Variants in STX11 observed in about 807,000 individuals in gnomAD.
STX11 encodes syntaxin-11.
A neutral mutation model predicts 19.9 loss-of-function variants in STX11; 21 were observed. The observed-to-expected ratio is 1.06, with a 90% confidence interval of 0.75 to 1.52. The LOEUF is 1.52. Ranked by LOEUF, STX11 falls within the 40% of genes most tolerant of loss-of-function variation. STX11 has a pLI of 0.00. For missense variants in STX11, 438 were observed against 405.9 expected (o/e 1.08, Z -0.68); for synonymous variants, 193 against 174.4 (o/e 1.11, Z -0.84).
In STX11 at chr6:144,186,652, C is replaced by G. The variant is rs1410074175; in HGVS notation, c.25C>G (p.Leu9Val). 1.2e-6 allele frequency: 2 copies of G among 1,614,058 alleles called. No homozygotes were observed. Among genetic ancestry groups the G allele is most frequent in the Non-Finnish European group, 8.5e-7 (1 of 1,179,964 alleles). Residue 9 changes from leucine to valine, a missense_variant, in exon 2 of 2, where the codon CTG becomes GTG. Physicochemically the swap from Leu to Val is conservative, Grantham distance 32. Transcript: ENST00000367568. ...AATGAAAGACCGGCTAGCAGAACTTCTGGACTTGTCCAAGCAATATGACCA... is the reference window on the plus strand; with the variant it reads ...AATGAAAGACCGGCTAGCAGAACTTGTGGACTTGTCCAAGCAATATGACCA... Reference protein sequence around the residue: MKDRLAELLDLSKQYDQQF... With the variant: MKDRLAELVDLSKQYDQQF...
rs933201565 is a variant in STX11, at chr6:144,174,020, A to G, written c.-5-12603A>G. On this transcript the variant is annotated intron_variant, in intron 1 of 1. Transcript: ENST00000367568. This position sits in a 1 kb window ranked among gnomAD's most constrained non-coding sequence, Gnocchi z 5.3. Reference sequence around the variant, plus strand: ...ACACAACGATTTATTATTTCTCACTATCCTGTTGATTGGCTGAGCAGTCTT... The same window carrying G: ...ACACAACGATTTATTATTTCTCACTGTCCTGTTGATTGGCTGAGCAGTCTT... Among the ~76,000 whole-genome samples the G allele has an allele frequency of 2.6e-5, 4 of 152,086 alleles. No individual in the cohort carries two copies. Among genetic ancestry groups the G allele is most frequent in the African/African-American group, 4.8e-5 (2 of 41,406 alleles).
the STX11 span, among the ~76,000 whole-genome samples, chr6:144,142,448 G>A: frequency 6.6e-6 from 1 of 151,938 alleles, no homozygotes; most frequent in African/African-American, 2.4e-5. Context: ...ATTACATACT[G>A]AAATATTTAA....
At position 144,180,969 on chromosome 6, in the gene STX11, A is replaced by G. The variant is rs963772595; in HGVS notation, c.-5-5654A>G. On this transcript the variant is annotated intron_variant, in intron 1 of 1. Transcript: ENST00000367568. The surrounding 1 kb of genome is among the most constrained non-coding windows in gnomAD (Gnocchi z 5.3). The stretch of plus-strand genomic sequence containing the variant: ...CCTCATCATAGTAAGCTCAGTCTTC[A>G]ATTTTATTCATACTCCCATGCCTGC... Among the ~76,000 whole-genome samples, 3 of 152,242 alleles carry G rather than the reference A, an allele frequency of 2.0e-5. No individual in the cohort carries two copies. The highest frequency in any genetic ancestry group is 7.2e-5 in the African/African-American group (3 of 41,468).
Position 144,162,540 on chromosome 6 carries a change from C to A in STX11, c.-6+11837C>A, listed in dbSNP as rs555681016. On this transcript the variant is annotated intron_variant, in intron 1 of 1. Transcript: ENST00000367568. The surrounding 1 kb of genome is among the most constrained non-coding windows in gnomAD (Gnocchi z 4.6). ...GTCTTCAAAAATGCAAATATGCTTT[C>A]TTGATGGAGCAGTATATTAAGCTAT... 6.6e-6 allele frequency among the ~76,000 whole-genome samples: 1 copy of A among 152,158 alleles called. No homozygotes were observed. The highest frequency in any genetic ancestry group is 1.5e-5 in the Non-Finnish European group (1 of 68,036).
chr6:144,145,945 T>C (rs1236355317), upstream of STX11, among the ~76,000 whole-genome samples: 1 of 152,224 alleles, frequency 6.6e-6, no homozygotes, highest in African/African-American at 2.4e-5. Context: ...ATAGTTACAA[T>C]GGTAAATTCT....
At position 144,159,561 on chromosome 6, in the gene STX11, A is replaced by G. The variant is rs1343382140; in HGVS notation, c.-6+8858A>G. Among the ~76,000 whole-genome samples, 3 of 152,138 alleles carry G rather than the reference A, an allele frequency of 2.0e-5. No individual in the cohort carries two copies. Among genetic ancestry groups the G allele is most frequent in the Non-Finnish European group, 2.9e-5 (2 of 68,026 alleles). On this transcript the variant is annotated intron_variant, in intron 1 of 1. Coordinates refer to ENST00000367568, the MANE Select transcript of STX11 (RefSeq NM_003764.4). The surrounding 1 kb of genome is among the most constrained non-coding windows in gnomAD (Gnocchi z 4.3). ...GTCCGTCCAGTATGTGGAAAAAGAC[A>G]GTACAGGAAAATGACGCCTTCATTT... is the stretch of plus-strand genomic sequence containing the variant.
upstream of STX11, chr6:144,150,446 C>A: frequency 1.0e-6 from 1 of 962,524 alleles, no homozygotes; most frequent in Non-Finnish European, 1.2e-6. Context: ...CCAGCGCTGT[C>A]ATCCCGGGGC....
rs1421687563 is a variant in STX11, at chr6:144,188,564, T to C, written c.*1073T>C. 2.0e-5 allele frequency among the ~76,000 whole-genome samples: 3 copies of C among 152,204 alleles called. No homozygotes were observed. Among genetic ancestry groups the C allele is most frequent in the African/African-American group, 7.2e-5 (3 of 41,442 alleles). On this transcript the variant is annotated 3_prime_UTR_variant, in exon 2 of 2. Transcript: ENST00000367568. ...TGGAAATACTGCTTTTGTTTTACTG[T>C]GGACCATTCCTTCCATGCATTGAAA...
At position 144,154,546 on chromosome 6, in the gene STX11, A is replaced by G. The variant is rs368470955; in HGVS notation, c.-6+3843A>G. On this transcript the variant is annotated intron_variant, in intron 1 of 1. Coordinates refer to ENST00000367568, the MANE Select transcript of STX11 (RefSeq NM_003764.4). The surrounding 1 kb of genome is among the most constrained non-coding windows in gnomAD (Gnocchi z 4.7). Reference sequence around the variant, plus strand: ...GAATGCTCAACTTTTCATATTTCTCAGATGCACTCAATGTTTTGTTGCTAA... The same window carrying G: ...GAATGCTCAACTTTTCATATTTCTCGGATGCACTCAATGTTTTGTTGCTAA... Among the ~76,000 whole-genome samples the G allele has an allele frequency of 1.3e-5, 2 of 152,342 alleles. No individual in the cohort carries two copies. The highest frequency in any genetic ancestry group is 3.9e-4 in the East Asian group (2 of 5,188).
At chr6:144,166,050 T>G (rs2128750365) in intron 1 of STX11, among the ~76,000 whole-genome samples, 1 of 152,338 alleles carries the variant, frequency 6.6e-6, no homozygotes, top group South Asian at 2.1e-4. Flanking sequence ...TATCTACCCT[T>G]TGCTTCTTGT....
In STX11 at chr6:144,187,523, A is replaced by T. The variant is rs751781378; in HGVS notation, c.*32A>T. The T allele has an allele frequency of 8.1e-6, 13 of 1,611,450 alleles. No homozygotes were observed. The highest frequency in any genetic ancestry group is 1.3e-5 in the African/African-American group (1 of 74,882). On this transcript the variant is annotated 3_prime_UTR_variant, in exon 2 of 2. Coordinates refer to ENST00000367568, the MANE Select transcript of STX11 (RefSeq NM_003764.4). This position sits in a 1 kb window ranked among gnomAD's most constrained non-coding sequence, Gnocchi z 5.6. ...GGCCCGGGCCGCCACCGCCCATCCCAGACCATGGAGCGCGCTGGGAAGGAC... is the reference window on the plus strand; with the variant it reads ...GGCCCGGGCCGCCACCGCCCATCCCTGACCATGGAGCGCGCTGGGAAGGAC...
In STX11 at chr6:144,182,771, C is replaced by G. The variant is rs1025644051; in HGVS notation, c.-5-3852C>G. 6.6e-6 allele frequency among the ~76,000 whole-genome samples: 1 copy of G among 152,196 alleles called. No homozygotes were observed. The highest frequency in any genetic ancestry group is 1.5e-5 in the Non-Finnish European group (1 of 68,040). The stretch of plus-strand genomic sequence containing the variant: ...AGTGTCCCAGGGCGTGGTACAGTCC[C>G]TTATCTACCCATTTCCTTCCATTGA... On this transcript the variant is annotated intron_variant, in intron 1 of 1. Coordinates refer to ENST00000367568, the MANE Select transcript of STX11 (RefSeq NM_003764.4). The surrounding 1 kb of genome is among the most constrained non-coding windows in gnomAD (Gnocchi z 4.8).
At chr6:144,145,873 G>T (rs1350119775), upstream of STX11, among the ~76,000 whole-genome samples, 2 of 152,074 alleles carry the variant, frequency 1.3e-5, no homozygotes, top group Admixed American at 1.3e-4. Flanking sequence ...TGTTCAGGAT[G>T]GTGGTGATGG....
At position 144,167,361 on chromosome 6, in the gene STX11, T is replaced by C. The variant is rs780236238; in HGVS notation, c.-6+16658T>C. ...TTTGCATATACATCATGAGATATCT[T>C]GGGGATAAGACCCAAATCTAAACAC... is the stretch of plus-strand genomic sequence containing the variant. On this transcript the variant is annotated intron_variant, in intron 1 of 1. Coordinates refer to ENST00000367568, the MANE Select transcript of STX11 (RefSeq NM_003764.4). This position sits in a 1 kb window ranked among gnomAD's most constrained non-coding sequence, Gnocchi z 5.0. 7.2e-5 allele frequency among the ~76,000 whole-genome samples: 11 copies of C among 152,246 alleles called. No homozygotes were observed. Among genetic ancestry groups the C allele is most frequent in the Non-Finnish European group, 1.3e-4 (9 of 68,050 alleles).
At position 144,187,760 on chromosome 6, in the gene STX11, T is replaced by C; in HGVS notation, c.*269T>C. 1 of 568,478 alleles carries C rather than the reference T, an allele frequency of 1.8e-6. No homozygotes were observed. Among genetic ancestry groups the C allele is most frequent in the Non-Finnish European group, 3.2e-6 (1 of 309,984 alleles). 35.2% of individuals were successfully genotyped at this position (568,478 alleles called of 1,614,324 possible). A position where few individuals can be genotyped will look rare whatever the true frequency, so the allele number is the denominator to read the frequency against. On this transcript the variant is annotated 3_prime_UTR_variant, in exon 2 of 2. Transcript: ENST00000367568. This position sits in a 1 kb window ranked among gnomAD's most constrained non-coding sequence, Gnocchi z 5.6. ...ATGACACCTTGCACTCTTACCGTCT[T>C]GACAGAAGCCAAGTAAGGAACTGAA...
chr6:144,184,817 T>G lies in STX11; in HGVS notation c.-5-1806T>G, dbSNP rs1177083705. On this transcript the variant is annotated intron_variant, in intron 1 of 1. Transcript: ENST00000367568. This position sits in a 1 kb window ranked among gnomAD's most constrained non-coding sequence, Gnocchi z 6.5. ...GTCATTTACATCTTCTCTGAATTGC[T>G]TCACTGTCTTTGGGTAAGTAGATTT... 6.6e-6 allele frequency among the ~76,000 whole-genome samples: 1 copy of G among 152,228 alleles called. No individual in the cohort carries two copies. Among genetic ancestry groups the G allele is most frequent in the Admixed American group, 6.5e-5 (1 of 15,286 alleles).
chr6:144,155,290 T>A lies in STX11; in HGVS notation c.-6+4587T>A, dbSNP rs1222067826. ...TTATTGAAGCTTTAAAATGTTCAAA[T>A]GTCCACTTTGGGAGGCTGAGGCAGG... is the stretch of plus-strand genomic sequence containing the variant. On this transcript the variant is annotated intron_variant, in intron 1 of 1. Coordinates refer to ENST00000367568, the MANE Select transcript of STX11 (RefSeq NM_003764.4). The surrounding 1 kb of genome is among the most constrained non-coding windows in gnomAD (Gnocchi z 4.5). Among the ~76,000 whole-genome samples the A allele has an allele frequency of 1.3e-5, 2 of 152,186 alleles. No homozygotes were observed. The highest frequency in any genetic ancestry group is 1.3e-4 in the Admixed American group (2 of 15,274).
At chr6:144,181,648 C>G (rs903069867) in intron 1 of STX11, among the ~76,000 whole-genome samples, 2 of 146,370 alleles carry the variant, frequency 1.4e-5, no homozygotes, top group African/African-American at 2.5e-5. Flanking sequence ...TGGAATGGGT[C>G]ACAAATTTGA....
In STX11 at chr6:144,175,226, G is replaced by A. The variant is rs1801749401; in HGVS notation, c.-5-11397G>A. ...CCACTGTACTCCAGCCTGGGCAACA[G>A]AGCGAGACCCTGTGTCAAACAATAA... On this transcript the variant is annotated intron_variant, in intron 1 of 1. Transcript: ENST00000367568. The surrounding 1 kb of genome is among the most constrained non-coding windows in gnomAD (Gnocchi z 5.1). Among the ~76,000 whole-genome samples, 1 of 152,156 alleles carries A rather than the reference G, an allele frequency of 6.6e-6. No homozygotes were observed. The highest frequency in any genetic ancestry group is 1.5e-5 in the Non-Finnish European group (1 of 68,034).
Sources: allele counts gnomAD v4.1 joint callset (sites outside exome capture counted in the v4.1 genomes callset), GRCh38; gene constraint gnomAD v4.1.1; non-coding constraint Gnocchi (gnomAD v3.1); transcripts MANE v1.5; gene names NCBI Gene and HGNC (gene_info 2026-07-23, HGNC 2026-07-21).